KMT2E: variants seen among roughly 807,000 people sequenced by gnomAD.
KMT2E encodes the protein lysine methyltransferase 2E (inactive).
In KMT2E, 30 loss-of-function variants were observed where a neutral mutation model predicts 184.6. The ratio of observed to expected loss-of-function variants is 0.16; its 90% CI spans 0.12 to 0.22. The LOEUF is 0.22. Ranked by LOEUF, KMT2E falls within the 10% of genes least tolerant of loss-of-function variation. The pLI is 1.00. For missense variants in KMT2E, 2,023 were observed against 2,237.4 expected (o/e 0.90, Z 1.93); for synonymous variants, 815 against 776.5 (o/e 1.05, Z -0.82).
intron 1 of KMT2E, among the ~76,000 whole-genome samples, chr7:105,020,137 T>A (rs909473962): frequency 6.8e-6 from 1 of 147,406 alleles, no homozygotes; most frequent in Non-Finnish European, 1.5e-5. Context: ...ATAAGTAAAT[T>A]AAAAAAAAAA....
chr7:105,046,910 G>T (rs1174159208), intron 3 of KMT2E, among the ~76,000 whole-genome samples: 1 of 152,150 alleles, frequency 6.6e-6, no homozygotes, highest in African/African-American at 2.4e-5. Flanking sequence ...ACCGTCCACA[G>T]GCTCAAAGAT....
chr7:105,099,072 G>T (rs1036654562), intron 15 of KMT2E, among the ~76,000 whole-genome samples: 1 of 152,022 alleles, frequency 6.6e-6, no homozygotes, highest in Admixed American at 6.6e-5. Flanking sequence ...TGTATGTAAT[G>T]GTGACTAGAA....
At chr7:105,015,062 G>A (rs758888251) in intron 1 of KMT2E, among the ~76,000 whole-genome samples, 2 of 149,544 alleles carry the variant, frequency 1.3e-5, no homozygotes, top group Admixed American at 6.6e-5. Flanking sequence ...CTCTCTTTGT[G>A]GGAGAGCGAG....
intron 4 of KMT2E, among the ~76,000 whole-genome samples, chr7:105,063,096 T>TCTTAC (rs71152936): frequency 5.3e-5 from 8 of 149,822 alleles, no homozygotes; most frequent in African/African-American, 9.9e-5. Context: ...CGTGAAGATA[T>TCTTAC]GATTTGGTAG....
chr7:105,016,051 A>G (rs1288894201), intron 1 of KMT2E, among the ~76,000 whole-genome samples: 11 of 152,216 alleles, frequency 7.2e-5, no homozygotes, highest in Non-Finnish European at 7.3e-5. Flanking sequence ...GCCAAAGTAG[A>G]TTAAAATGTT....
intron 6 of KMT2E, among the ~76,000 whole-genome samples, chr7:105,067,498 A>G (rs894478250): frequency 1.3e-5 from 2 of 152,028 alleles, no homozygotes; most frequent in African/African-American, 4.8e-5. Context: ...CCACCACCCT[A>G]CCTCAGTAAT....
intron 6 of KMT2E, among the ~76,000 whole-genome samples, chr7:105,070,849 A>G (rs1185158297): frequency 1.3e-5 from 2 of 152,092 alleles, no homozygotes; most frequent in African/African-American, 4.8e-5. Context: ...ATTTACCTTT[A>G]TAATTATATA....
At chr7:105,108,260 T>TTGTA (rs146607061) in intron 22 of KMT2E, among the ~76,000 whole-genome samples, 2,345 of 152,292 alleles carry the variant, frequency 0.015, 27 homozygotes, top group Non-Finnish European at 0.026. Context: ...ATTACCTTTA[T>TTGTA]TGTACATTGA....
chr7:105,103,359 C>T lies in KMT2E; in HGVS notation c.2196+1165C>T, dbSNP rs542917707. ...AACAACATACTGTTTGACAGAGTAC[C>T]AAATTATCATGATTTCCCCTAAAGG... is the stretch of plus-strand genomic sequence containing the variant. On this transcript the variant is annotated intron_variant, in intron 17 of 26. Coordinates refer to ENST00000311117, the MANE Select transcript of KMT2E (RefSeq NM_182931.3). The T allele has an allele frequency of 2.0e-5, 3 of 152,188 alleles. 1 individual carries two copies. Among genetic ancestry groups the T allele is most frequent in the African/African-American group, 7.2e-5 (3 of 41,522 alleles). 9.4% of individuals were successfully genotyped at this position (152,188 alleles called of 1,614,324 possible).
chr7:105,041,758 A>G (rs577375528), intron 3 of KMT2E, among the ~76,000 whole-genome samples: 55 of 152,246 alleles, frequency 3.6e-4, no homozygotes, highest in Non-Finnish European at 7.8e-4. Flanking sequence ...TATTTTGTAT[A>G]TAATGAAACA....
At chr7:105,096,968 CAT>C (rs1453600704) in intron 15 of KMT2E, among the ~76,000 whole-genome samples, 4 of 152,318 alleles carry the variant, frequency 2.6e-5, no homozygotes, top group African/African-American at 9.6e-5. Context: ...TACCAGTGTA[CAT>C]GTGTTTAAAA....
At chr7:105,073,086 G>T in intron 6 of KMT2E, among the ~76,000 whole-genome samples, 1 of 147,638 alleles carries the variant, frequency 6.8e-6, no homozygotes. Flanking sequence ...TAAATATTCT[G>T]TTTGAAAAAA....
intron 1 of KMT2E, among the ~76,000 whole-genome samples, 170 bp downstream of exon 1, chr7:105,014,705 C>A (rs958706419): frequency 2.0e-5 from 3 of 152,100 alleles, no homozygotes; most frequent in Admixed American, 2.0e-4. Flanking sequence ...CGAATTTATT[C>A]TTTCTTCTCC....
At chr7:105,022,865 C>G (rs1795011239) in intron 1 of KMT2E, among the ~76,000 whole-genome samples, 1 of 151,794 alleles carries the variant, frequency 6.6e-6, no homozygotes, top group Non-Finnish European at 1.5e-5. Flanking sequence ...TTTTTCTTTT[C>G]CAGTTTTTCT....
At chr7:105,076,500 C>A (rs759536771) in intron 9 of KMT2E, among the ~76,000 whole-genome samples, 1 of 152,156 alleles carries the variant, frequency 6.6e-6, no homozygotes, top group Non-Finnish European at 1.5e-5. Flanking sequence ...CATAGAACAA[C>A]CATATCAATA....
rs183978009 is a variant in KMT2E, at chr7:105,076,011, G to A, written c.730-32G>A. On this transcript the variant is annotated intron_variant, in intron 8 of 26. Transcript: ENST00000311117. ...AATATTAATTATGTCCAGTTTTTTAGGAAACTAACTAGAATTCCATGTTTA... is the reference window on the plus strand; with the variant it reads ...AATATTAATTATGTCCAGTTTTTTAAGAAACTAACTAGAATTCCATGTTTA... 4.6e-6 allele frequency: 7 copies of A among 1,535,504 alleles called. No individual in the cohort carries two copies. In the African/African-American group the frequency reaches 8.2e-5, roughly 18 times the overall value.
At chr7:105,073,829 A>G in intron 7 of KMT2E, 152 bp downstream of exon 7, 4 of 504,122 alleles carry the variant, frequency 7.9e-6, no homozygotes, top group Non-Finnish European at 1.4e-5. Flanking sequence ...AATCTCTGGT[A>G]TAGATTTCAA....
At chr7:105,098,270 G>A (rs1488579787) in intron 15 of KMT2E, among the ~76,000 whole-genome samples, 8 of 147,564 alleles carry the variant, frequency 5.4e-5, no homozygotes, top group South Asian at 4.3e-4. Context: ...ACAGGGCCTC[G>A]CTCTGTTGCC....
In KMT2E at chr7:105,105,511, C is replaced by G. The variant is rs755032397; in HGVS notation, c.2269C>G (p.Pro757Ala). 2 of 1,613,558 alleles carry G rather than the reference C, an allele frequency of 1.2e-6. No individual in the cohort carries two copies. The highest frequency in any genetic ancestry group is 1.7e-6 in the Non-Finnish European group (2 of 1,179,758). ...GKPSDGLSER[P>A]LRITTDPEVL... is the part of the protein sequence containing the mutation. ...ACCTTCAGATGGCCTTTCAGAAAGG[C>G]CTCTACGCATAACTACAGATCCTGA... Residue 757 changes from proline to alanine, a missense_variant, in exon 18 of 27, where the codon CCT (proline) becomes GCT (alanine). By Grantham distance (27) the Pro-to-Ala change is conservative. Transcript: ENST00000311117.
Sources: gnomAD v4.1 joint callset for allele counts (sites outside exome capture counted in the v4.1 genomes callset) on GRCh38, gnomAD v4.1.1 for gene constraint, MANE v1.5 for transcripts, NCBI Gene and HGNC (gene_info 2026-07-23, HGNC 2026-07-21) for gene names.